The following PTPN9 variants were observed in gnomAD, a reference collection of about 807,000 sequenced individuals.
PTPN9 encodes the protein tyrosine-protein phosphatase non-receptor type 9.
PTPN9 carries 26 observed loss-of-function variants against 69.8 expected under a neutral mutation model. That is an observed-to-expected ratio of 0.37 (90% CI 0.27 to 0.52). The LOEUF (loss-of-function observed/expected upper bound fraction) is 0.52. Among genes scored for constraint, PTPN9 ranks in the 20% least tolerant of loss-of-function variants. The pLI, the probability that PTPN9 is intolerant of heterozygous loss-of-function variation, is 0.91. For synonymous variants in PTPN9, 274 were observed against 272.5 expected (o/e 1.01, Z -0.05); for missense variants, 549 against 740.3 (o/e 0.74, Z 3.00).
chr15:75,471,545 G>A (rs1310294654), intron 10 of PTPN9, among the ~76,000 whole-genome samples: 1 of 147,692 alleles, frequency 6.8e-6, no homozygotes, highest in African/African-American at 2.5e-5. Context: ...TGAGACTGCA[G>A]TGAGCTGAGA....
chr15:75,564,079 CTT>C (rs926014384), intron 1 of PTPN9, among the ~76,000 whole-genome samples: 2 of 142,896 alleles, frequency 1.4e-5, no homozygotes, highest in African/African-American at 2.6e-5. Flanking sequence ...TACATTATGT[CTT>C]TTTTTTTTTT....
At chr15:75,508,461 G>A (rs2074831127) in intron 6 of PTPN9, among the ~76,000 whole-genome samples, 2 of 152,172 alleles carry the variant, frequency 1.3e-5, no homozygotes, top group South Asian at 2.1e-4. Flanking sequence ...GAGACATAAC[G>A]AAAAACTTTC....
chr15:75,520,348 C>G (rs997275403), intron 4 of PTPN9, among the ~76,000 whole-genome samples: 4 of 151,714 alleles, frequency 2.6e-5, no homozygotes, highest in Non-Finnish European at 5.9e-5. Context: ...AATGAATGAT[C>G]CAGGTTCTAT....
chr15:75,505,074 A>G (rs1410973156), intron 7 of PTPN9, among the ~76,000 whole-genome samples: 2 of 152,222 alleles, frequency 1.3e-5, no homozygotes, highest in Non-Finnish European at 2.9e-5. Flanking sequence ...GTCTGTGTAG[A>G]AAGTAGACAT....
intron 12 of PTPN9, among the ~76,000 whole-genome samples, chr15:75,469,489 AAGC>A (rs1169294027): frequency 6.6e-6 from 1 of 152,212 alleles, no homozygotes; most frequent in Non-Finnish European, 1.5e-5. Context: ...GATGGGAAGG[AAGC>A]AGCAGCCCAG....
chr15:75,517,204 A>T (rs569501572), intron 5 of PTPN9, 55 bp downstream of exon 5: 157 of 1,305,116 alleles, frequency 1.2e-4, no homozygotes, highest in South Asian at 9.9e-4. Flanking sequence ...GAATTAAAAA[A>T]ATATATATAT....
intron 10 of PTPN9, among the ~76,000 whole-genome samples, 181 bp downstream of exon 10, chr15:75,473,508 T>C (rs556850275): frequency 1.3e-5 from 2 of 152,228 alleles, no homozygotes; most frequent in Non-Finnish European, 2.9e-5. Flanking sequence ...GCCAGGCTAG[T>C]CTGGAACTCC....
chr15:75,530,444 TATTATTATAATAAAATATATA>T (rs1442496343), intron 1 of PTPN9, among the ~76,000 whole-genome samples: 1 of 102,398 alleles, frequency 9.8e-6, no homozygotes, highest in Non-Finnish European at 1.8e-5. Context: ...TATAATATAT[TATTATTATAATAAAATATATA>T]TTATAATAAT....
In PTPN9 at chr15:75,485,144, C is replaced by T. The variant is rs147539829; in HGVS notation, c.1062+5064G>A. Among the ~76,000 whole-genome samples the T allele has an allele frequency of 2.6e-5, 4 of 152,218 alleles. No homozygotes were observed. In the East Asian group the frequency reaches 7.7e-4, roughly 29 times the overall value. ...GACCCAGCATGCTAAAAGCCTCACTCACTTCCAAACAGGCTTCTCAATCCA... is the reference window on the plus strand; with the variant it reads ...GACCCAGCATGCTAAAAGCCTCACTTACTTCCAAACAGGCTTCTCAATCCA... On this transcript the variant is annotated intron_variant, in intron 8 of 12. Coordinates refer to ENST00000618819, the MANE Select transcript of PTPN9 (RefSeq NM_002833.4).
chr15:75,538,567 C>T (rs1410607249), intron 1 of PTPN9, among the ~76,000 whole-genome samples: 1 of 151,982 alleles, frequency 6.6e-6, no homozygotes, highest in African/African-American at 2.4e-5. Flanking sequence ...CATGATGGCA[C>T]ACGCCTACAG....
intron 1 of PTPN9, among the ~76,000 whole-genome samples, chr15:75,552,126 C>T (rs146516877): frequency 0.016 from 2,362 of 151,544 alleles, 25 homozygotes; most frequent in South Asian, 0.027. Flanking sequence ...CTGCCGGGCA[C>T]GGCGGCTCAC....
intron 7 of PTPN9, among the ~76,000 whole-genome samples, chr15:75,495,812 A>G (rs950690871): frequency 6.6e-6 from 1 of 152,134 alleles, no homozygotes; most frequent in African/African-American, 2.4e-5. Flanking sequence ...AAATCTGGTA[A>G]TTAACTCCAG....
At chr15:75,537,797 A>G (rs1480576270) in intron 1 of PTPN9, among the ~76,000 whole-genome samples, 55 of 136,878 alleles carry the variant, frequency 4.0e-4, no homozygotes, top group East Asian at 6.7e-4. Flanking sequence ...GGTGGCTCAC[A>G]CCTGTAATCC....
intron 4 of PTPN9, among the ~76,000 whole-genome samples, chr15:75,519,302 G>A (rs571002556): frequency 6.6e-6 from 1 of 152,188 alleles, no homozygotes; most frequent in Non-Finnish European, 1.5e-5. Flanking sequence ...ACGGGGTTTC[G>A]CCATGTTGGC....
At chr15:75,488,343 G>GT (rs928731912) in intron 8 of PTPN9, among the ~76,000 whole-genome samples, 2,053 of 144,132 alleles carry the variant, frequency 0.014, 38 homozygotes, top group East Asian at 0.11. Flanking sequence ...TCAATGCTGG[G>GT]TTTTTTTTTT....
At chr15:75,510,558 T>C (rs891186195) in intron 5 of PTPN9, among the ~76,000 whole-genome samples, 1 of 152,196 alleles carries the variant, frequency 6.6e-6, no homozygotes, top group Non-Finnish European at 1.5e-5. Context: ...AATTTTCAAA[T>C]GGTTAAATGT....
Position 75,555,289 on chromosome 15 carries a change from G to A in PTPN9, c.63+23425C>T, listed in dbSNP as rs144120769. Among the ~76,000 whole-genome samples the A allele has an allele frequency of 9.3e-4, 142 of 152,012 alleles. 3 individuals carry two copies. In the East Asian group the frequency reaches 0.024, roughly 26 times the overall value. On this transcript the variant is annotated intron_variant, in intron 1 of 12. Coordinates refer to ENST00000618819, the MANE Select transcript of PTPN9 (RefSeq NM_002833.4). ...AATTCAAGACTTCCCTTCCTCAACT[G>A]TACCTGAATGTCTAAATTCACTTCT...
rs62029744 is a variant in PTPN9, at chr15:75,469,787, G to A, written c.1567+5C>T. ...AGACACCAAGAGCTGCATTAGGTGC[G>A]TTACCTGTCCTGCCAATGCCTGCAC... is the stretch of plus-strand genomic sequence containing the variant. On this transcript the variant is annotated splice_donor_5th_base_variant and intron_variant, in intron 12 of 12. Coordinates refer to ENST00000618819, the MANE Select transcript of PTPN9 (RefSeq NM_002833.4). 7,816 of 1,612,210 alleles carry A rather than the reference G, an allele frequency of 4.8e-3. 20 individuals are homozygous for A. Among genetic ancestry groups the A allele is most frequent in the Middle Eastern group, 7.9e-3 (37 of 4,656 alleles).
intron 9 of PTPN9, among the ~76,000 whole-genome samples, chr15:75,476,339 G>A (rs1249286090): frequency 1.3e-5 from 2 of 152,000 alleles, no homozygotes; most frequent in Non-Finnish European, 2.9e-5. Flanking sequence ...TTTTGAGACC[G>A]AGTATCACTC....
Sources: allele counts gnomAD v4.1 joint callset (sites outside exome capture counted in the v4.1 genomes callset), GRCh38; gene constraint gnomAD v4.1.1; transcripts MANE v1.5; gene names NCBI Gene and HGNC (gene_info 2026-07-23, HGNC 2026-07-21).